The following CSMD3 variants were observed in gnomAD, a reference collection of about 807,000 sequenced individuals.
CSMD3 encodes the protein CUB and Sushi multiple domains 3, also known as CUB and sushi domain-containing protein 3.
CSMD3 carries 177 observed loss-of-function variants against 435.2 expected under a neutral mutation model. The observed-to-expected ratio is 0.41, with a 90% CI of 0.36 to 0.46. The LOEUF (loss-of-function observed/expected upper bound fraction) is 0.46, where lower values mean the gene tolerates loss of function less well. CSMD3 is among the 20% of genes least tolerant of loss of function. The pLI is 0.34. For missense variants in CSMD3, 4,265 were observed against 4,504.6 expected (o/e 0.95, Z 1.52); for synonymous variants, 1,656 against 1,520.5 (o/e 1.09, Z -2.07).
chr8:112,757,650 G>A (rs989907106), intron 13 of CSMD3, among the ~76,000 whole-genome samples: 5 of 152,072 alleles, frequency 3.3e-5, no homozygotes, highest in Non-Finnish European at 5.9e-5. Flanking sequence ...TTTTTAGTTT[G>A]TTCAGTATTT....
chr8:112,534,335 AG>A (rs1307661403), intron 27 of CSMD3, among the ~76,000 whole-genome samples: 2 of 152,218 alleles, frequency 1.3e-5, no homozygotes, highest in East Asian at 1.9e-4. Context: ...AAAATGATAA[AG>A]GGGATATCAC....
chr8:112,340,733 A>G (rs1448555896), intron 42 of CSMD3, among the ~76,000 whole-genome samples: 3 of 152,200 alleles, frequency 2.0e-5, no homozygotes, highest in African/African-American at 4.8e-5. Context: ...ATAGCTAAAA[A>G]GGACTGAGTA....
At chr8:112,997,889 T>C (rs1221689867) in intron 6 of CSMD3, among the ~76,000 whole-genome samples, 1 of 149,742 alleles carries the variant, frequency 6.7e-6, no homozygotes, top group Admixed American at 6.7e-5. Flanking sequence ...TACATATATA[T>C]ATAGTGAATT....
At chr8:113,217,270 C>T (rs80159631) in intron 3 of CSMD3, among the ~76,000 whole-genome samples, 3,650 of 151,544 alleles carry the variant, frequency 0.024, 248 homozygotes, top group East Asian at 0.2. Flanking sequence ...CCCACTACAA[C>T]ATATTATCCA....
intron 38 of CSMD3, among the ~76,000 whole-genome samples, chr8:112,373,024 T>TATA (rs199523764): frequency 1.2e-5 from 1 of 82,774 alleles, no homozygotes; most frequent in Non-Finnish European, 3.0e-5. Context: ...ATATATATAT[T>TATA]TTTTTTCTCA....
At chr8:112,820,305 A>G (rs187469982) in intron 12 of CSMD3, among the ~76,000 whole-genome samples, 44 of 152,276 alleles carry the variant, frequency 2.9e-4, no homozygotes, top group Admixed American at 1.8e-3. Flanking sequence ...AAGGCTTGGT[A>G]TGCTTACCCA....
intron 24 of CSMD3, among the ~76,000 whole-genome samples, chr8:112,572,640 T>G (rs549181338): frequency 6.6e-6 from 1 of 152,240 alleles, no homozygotes; most frequent in South Asian, 2.1e-4. Context: ...TAAAGATTTC[T>G]GAGTATTGCT....
At chr8:112,241,631 A>C (rs568715015) in intron 66 of CSMD3, 89 bp downstream of exon 66, 2 of 863,304 alleles carry the variant, frequency 2.3e-6, no homozygotes, top group Non-Finnish European at 1.9e-6. Context: ...ACTTAAATAT[A>C]TTTTTTAAAT....
chr8:113,149,655 T>C (rs1186165554), intron 4 of CSMD3, among the ~76,000 whole-genome samples: 1 of 151,908 alleles, frequency 6.6e-6, no homozygotes, highest in African/African-American at 2.4e-5. Flanking sequence ...AATCCCAAAA[T>C]TTACTTTTAG....
At chr8:112,475,440 A>T (rs1254773441) in intron 31 of CSMD3, among the ~76,000 whole-genome samples, 1 of 152,108 alleles carries the variant, frequency 6.6e-6, no homozygotes, top group African/African-American at 2.4e-5. Context: ...GTACTTGTAA[A>T]CATAATTTTA....
intron 5 of CSMD3, among the ~76,000 whole-genome samples, chr8:113,041,219 G>A (rs1464147338): frequency 7.3e-6 from 1 of 136,354 alleles, no homozygotes; most frequent in East Asian, 2.4e-4. Context: ...AAAAAAAAAG[G>A]GGGGGGTGGG....
chr8:113,333,250 A>G (rs2132786817), intron 1 of CSMD3, among the ~76,000 whole-genome samples: 1 of 151,824 alleles, frequency 6.6e-6, no homozygotes, highest in Admixed American at 6.6e-5. Flanking sequence ...TATTCTTCAT[A>G]GGGTGTATGA....
Position 112,556,873 on chromosome 8 carries a change from C to T in CSMD3, c.4124G>A (p.Ser1375Asn), listed in dbSNP as rs958512146. 2 of 1,611,222 alleles carry T rather than the reference C, an allele frequency of 1.2e-6. No individual in the cohort carries two copies. The highest frequency in any genetic ancestry group is 1.7e-5 in the Admixed American group (1 of 59,754). Residue 1375 changes from serine to asparagine, a missense_variant, in exon 25 of 71, where the codon AGC becomes AAC. By Grantham distance (46) the Ser-to-Asn change is conservative. Transcript: ENST00000297405. ...KISDQGHFAG[S>N]TIIYGCNPGY... ...TGGATTGCATCCATAAATGATGGTG[C>T]TACCAGCAAAGTGGCCTTGGTCACT...
chr8:112,915,136 C>G (rs528754225), intron 10 of CSMD3, among the ~76,000 whole-genome samples: 2 of 151,768 alleles, frequency 1.3e-5, no homozygotes, highest in African/African-American at 2.4e-5. Context: ...TCAACATTTC[C>G]TTTTATATAG....
Position 112,409,575 on chromosome 8 carries a change from A to G in CSMD3, c.5396-543T>C, listed in dbSNP as rs1350334734. Among the ~76,000 whole-genome samples, 3 of 152,008 alleles carry G rather than the reference A, an allele frequency of 2.0e-5. No individual in the cohort carries two copies. The East Asian group carries it at 5.8e-4, about 29-fold the overall frequency. Reference sequence around the variant, plus strand: ...TAATTTATATTCTAAGTTTTAAATGATTCCTAAACATTTATTGTTAATCTT... The same window carrying G: ...TAATTTATATTCTAAGTTTTAAATGGTTCCTAAACATTTATTGTTAATCTT... On this transcript the variant is annotated intron_variant, in intron 32 of 70. Transcript: ENST00000297405.
intron 1 of CSMD3, among the ~76,000 whole-genome samples, chr8:113,397,760 G>A (rs1408075866): frequency 6.6e-6 from 1 of 151,936 alleles, no homozygotes; most frequent in African/African-American, 2.4e-5. Flanking sequence ...GGAGCTTGCA[G>A]TGAGCTGAGA....
At chr8:112,486,168 G>C (rs1248652160) in intron 31 of CSMD3, among the ~76,000 whole-genome samples, 1 of 151,474 alleles carries the variant, frequency 6.6e-6, no homozygotes, top group African/African-American at 2.4e-5. Flanking sequence ...ACTTAGCCTG[G>C]AGGAAGATTT....
chr8:112,873,290 C>T (rs2081188298), intron 10 of CSMD3, among the ~76,000 whole-genome samples: 1 of 151,996 alleles, frequency 6.6e-6, no homozygotes, highest in East Asian at 1.9e-4. Flanking sequence ...AGATTTTAGA[C>T]CTCCCCAAAA....
At chr8:112,656,096 T>A in intron 18 of CSMD3, 58 bp downstream of exon 18, 1 of 922,742 alleles carries the variant, frequency 1.1e-6, no homozygotes, top group South Asian at 1.4e-5. Context: ...AAAACTATAA[T>A]AATACAAAAA....
Sources: gnomAD v4.1 joint callset for allele counts (sites outside exome capture counted in the v4.1 genomes callset) on GRCh38, gnomAD v4.1.1 for gene constraint, MANE v1.5 for transcripts, NCBI Gene and HGNC (gene_info 2026-07-23, HGNC 2026-07-21) for gene names.